Variants in MBD6 observed in about 807,000 individuals in gnomAD.
The protein encoded by MBD6 is methyl-CpG binding domain protein 6, also known as methyl-CpG-binding domain protein 6.
MBD6 carries 22 observed loss-of-function variants against 66.8 expected under a neutral mutation model. The ratio of observed to expected loss-of-function variants is 0.33; its 90% CI spans 0.24 to 0.47. The LOEUF (loss-of-function observed/expected upper bound fraction) is 0.47, where lower values mean the gene tolerates loss of function less well. MBD6 is among the 20% of genes least tolerant of loss of function. The pLI is 1.00. For missense variants in MBD6, 1,322 were observed against 1,286.9 expected (o/e 1.03, Z -0.42); for synonymous variants, 540 against 534.6 (o/e 1.01, Z -0.14).
chr12:57,530,384 G>A (rs192583951), downstream of MBD6: 377 of 323,832 alleles, frequency 1.2e-3, 2 homozygotes, highest in Non-Finnish European at 1.6e-3. Flanking sequence ...TGTGTTGGGG[G>A]ACAAGACCCA....
intron 9 of MBD6, 61 bp downstream of exon 9, chr12:57,528,078 G>C: frequency 6.5e-7 from 1 of 1,531,728 alleles, no homozygotes; most frequent in East Asian, 2.3e-5. Flanking sequence ...GAAATTTAGG[G>C]CTTTCTGAGT....
rs1230865843 is a variant in MBD6 at position 57,529,517 on chromosome 12, C to T, written c.*283C>T. Reference sequence around the variant, plus strand: ...TTTCCCCACCAGGCGCTAAGGGGAACACCCCCTTCCCCAGGTCTTTTATTT... The same window carrying T: ...TTTCCCCACCAGGCGCTAAGGGGAATACCCCCTTCCCCAGGTCTTTTATTT... On this transcript the variant is annotated 3_prime_UTR_variant, in exon 13 of 13. Coordinates refer to ENST00000355673, the MANE Select transcript of MBD6 (RefSeq NM_052897.4). 4 of 360,234 alleles carry T rather than the reference C, an allele frequency of 1.1e-5. No individual in the cohort carries two copies. The highest frequency in any genetic ancestry group is 2.0e-5 in the Non-Finnish European group (4 of 198,936). 22.3% of individuals were successfully genotyped at this position (360,234 alleles called of 1,614,324 possible).
Position 57,526,200 on chromosome 12 carries a change from C to A in MBD6, c.1232C>A (p.Ser411Tyr), listed in dbSNP as rs1594860300. 1.2e-6 allele frequency: 2 copies of A among 1,614,202 alleles called. No homozygotes were observed. The highest frequency in any genetic ancestry group is 1.7e-6 in the Non-Finnish European group (2 of 1,180,036). ...LPEPSQPILP[S>Y]VLSLLGLPTP... ...GAGCCATCCCAACCAATTCTCCCTT[C>A]TGTGCTGTCCCTGCTGGGACTCCCC... Residue 411 changes from serine to tyrosine, a missense_variant, in exon 6 of 13, where the codon TCT becomes TAT. Transcript: ENST00000355673.
Position 57,527,082 on chromosome 12 carries a change from G to A in MBD6, c.1937G>A (p.Gly646Glu). ...GGGGAGGGATCTGCAGAGGGAGCCG[G>A]GGGTCCAAGTGGGGAGCCATTTTCA... ...GDGEGSAEGA[G>E]GPSGEPFSGL... Residue 646 changes from glycine (G) to glutamate (E), a missense_variant, in exon 7 of 13, where the codon GGG becomes GAG. Transcript: ENST00000355673. The A allele has an allele frequency of 5.6e-6, 9 of 1,601,488 alleles. No individual in the cohort carries two copies. The highest frequency in any genetic ancestry group is 7.7e-6 in the Non-Finnish European group (9 of 1,172,188).
Position 57,527,904 on chromosome 12 carries a change from C to T in MBD6, c.2293C>T (p.Pro765Ser), listed in dbSNP as rs141887420. 14 of 1,613,770 alleles carry T rather than the reference C, an allele frequency of 8.7e-6. No individual in the cohort carries two copies. The African/African-American group carries it at 1.3e-4, about 15-fold the overall frequency. The change falls in exon 9 of 13, where the codon CCT becomes TCT. Residue 765 changes from proline (P) to serine (S), a missense_variant. Physicochemically the swap from Pro to Ser is moderately conservative, Grantham distance 74. Transcript: ENST00000355673. ...AGCCCTCCCCAGCCTGTTGCAGCCT[C>T]CTGGCCCTCTTCTCTCTGGCCAGTT... ...PGALPSLLQPPGPLLSGQLGL... is the reference protein window; with the variant it reads ...PGALPSLLQPSGPLLSGQLGL...
chr12:57,530,596 G>T, downstream of MBD6: 2 of 1,127,396 alleles, frequency 1.8e-6, no homozygotes, highest in Non-Finnish European at 1.3e-6. Context: ...GGATGGGGAT[G>T]CTAGAGTTAT....
At chr12:57,530,595 T>C, downstream of MBD6, 1 of 1,110,180 alleles carries the variant, frequency 9.0e-7, no homozygotes, top group South Asian at 1.4e-5. Context: ...GGGATGGGGA[T>C]GCTAGAGTTA....
In MBD6 at chr12:57,527,209, C is replaced by T. The variant is rs963575748; in HGVS notation, c.2064C>T (p.Pro688=). 3 of 1,511,624 alleles carry T rather than the reference C, an allele frequency of 2.0e-6. No homozygotes were observed. The highest frequency in any genetic ancestry group is 2.7e-6 in the Non-Finnish European group (3 of 1,131,222). The allele number at this position is 1,511,624 out of a possible 1,614,324, so 93.6% of individuals were successfully genotyped here. The change falls in exon 7 of 13, where the codon CCC becomes CCT. Residue 688 remains proline, a synonymous_variant. Coordinates refer to ENST00000355673, the MANE Select transcript of MBD6 (RefSeq NM_052897.4). ...SALLAATLDP[P]SGTPPQPCVL... Reference sequence around the variant, plus strand: ...TGCTGGCTGCCACCCTGGATCCCCCCTCGGGGACACCCCCCCAGGTGAGGA... The same window carrying T: ...TGCTGGCTGCCACCCTGGATCCCCCTTCGGGGACACCCCCCCAGGTGAGGA...
downstream of MBD6, chr12:57,530,450 C>T (rs1594874929): frequency 9.1e-5 from 42 of 462,242 alleles, 1 homozygote; most frequent in East Asian, 1.4e-3. Flanking sequence ...TGTGGCTGGG[C>T]CCACGTCCTT....
chr12:57,520,988 G>T (rs1878293258), upstream of MBD6: 2 of 153,024 alleles, frequency 1.3e-5, no homozygotes, highest in South Asian at 4.1e-4. Context: ...CCTCTTTGCC[G>T]CTTGTCTCCC....
chr12:57,530,593 GA>G, downstream of MBD6: 1 of 1,082,950 alleles, frequency 9.2e-7, no homozygotes, highest in Non-Finnish European at 1.4e-6. Context: ...ATGGGATGGG[GA>G]TGCTAGAGTT....
At chr12:57,521,400 T>G (rs371726135), upstream of MBD6, among the ~76,000 whole-genome samples, 7 of 152,334 alleles carry the variant, frequency 4.6e-5, no homozygotes, top group African/African-American at 1.7e-4. Flanking sequence ...GAGGCGGATG[T>G]TGCAGTGACC....
At chr12:57,525,174 T>G in intron 5 of MBD6, 59 bp downstream of exon 5, 3 of 1,569,496 alleles carry the variant, frequency 1.9e-6, no homozygotes, top group Non-Finnish European at 2.6e-6. Context: ...GGAAGGCTGG[T>G]GGTGGGAGGA....
chr12:57,524,775 G>A lies in MBD6; in HGVS notation c.169G>A (p.Asp57Asn). 3.7e-6 allele frequency: 6 copies of A among 1,614,242 alleles called. No homozygotes were observed. Among genetic ancestry groups the A allele is most frequent in the Non-Finnish European group, 5.1e-6 (6 of 1,180,050 alleles). ...GCAAACCCGGAGCTACCTCCTCAGC[G>A]ATGGGACCTGCAAGTGCGGTCTGGA... ...LEQTRSYLLS[D>N]GTCKCGLECP... Residue 57 changes from aspartate to asparagine, a missense_variant, in exon 4 of 13, where the codon GAT becomes AAT. Transcript: ENST00000355673.
At chr12:57,524,586 CT>C in intron 3 of MBD6, 133 bp from the exon 4 acceptor site, 1 of 1,083,986 alleles carries the variant, frequency 9.2e-7, no homozygotes, top group Non-Finnish European at 1.4e-6. Context: ...TCCATTCTCC[CT>C]TTTTCTGTGT....
In MBD6 at chr12:57,525,742, T is replaced by C; in HGVS notation, c.774T>C (p.Pro258=). 6.2e-7 allele frequency: 1 copy of C among 1,613,484 alleles called. No homozygotes were observed. Among genetic ancestry groups the C allele is most frequent in the Non-Finnish European group, 8.5e-7 (1 of 1,179,834 alleles). Residue 258 remains proline (P), a synonymous_variant, in exon 6 of 13, where the codon CCT becomes CCC. Coordinates refer to ENST00000355673, the MANE Select transcript of MBD6 (RefSeq NM_052897.4). ...CCTCCTCCTCACCACCTTCAGACCCTCCTCTCTTCCACTGTAGTGATGCCT... is the reference window on the plus strand; with the variant it reads ...CCTCCTCCTCACCACCTTCAGACCCCCCTCTCTTCCACTGTAGTGATGCCT... The part of the protein sequence containing the change: ...PHASSSPPSD[P]PLFHCSDALT...
At chr12:57,524,569 C>T (rs1878707947) in intron 3 of MBD6, 151 bp from the exon 4 acceptor site, 1 of 1,045,738 alleles carries the variant, frequency 9.6e-7, no homozygotes, top group Non-Finnish European at 1.5e-6. Flanking sequence ...AGCTCTGGGC[C>T]TTTGAATCCA....
rs1257087550 is a variant in MBD6 at position 57,526,488 on chromosome 12, TG to T, written c.1421-73del. The T allele has an allele frequency of 2.6e-6, 4 of 1,511,666 alleles. No homozygotes were observed. In the East Asian group the frequency reaches 9.1e-5, roughly 34 times the overall value. 93.6% of individuals were successfully genotyped at this position (1,511,666 alleles called of 1,614,324 possible). A position where few individuals can be genotyped will look rare whatever the true frequency, so the allele number is the denominator to read the frequency against. On this transcript the variant is annotated intron_variant, in intron 6 of 12. Coordinates refer to ENST00000355673, the MANE Select transcript of MBD6 (RefSeq NM_052897.4). ...AGAGCTCTTTGAGGGTTTTCTGGGT[TG>T]GGGGCAGGGAGGTTGGCTTCTTTGG...
chr12:57,524,558 T>G, intron 3 of MBD6, 142 bp downstream of exon 3: 1 of 1,047,554 alleles, frequency 9.5e-7, no homozygotes. Context: ...TTGCTTTCTG[T>G]AGCTCTGGGC....
Sources: gnomAD v4.1 joint callset for allele counts (sites outside exome capture counted in the v4.1 genomes callset) on GRCh38, gnomAD v4.1.1 for gene constraint, MANE v1.5 for transcripts, NCBI Gene and HGNC (gene_info 2026-07-23, HGNC 2026-07-21) for gene names.